Variants in ITPR1 observed in about 807,000 individuals in gnomAD.
ITPR1 encodes the protein inositol 1,4,5-trisphosphate-gated calcium channel ITPR1.
ITPR1 carries 96 observed loss-of-function variants against 318.4 expected under a neutral mutation model. The observed-to-expected ratio is 0.30, with a 90% CI of 0.26 to 0.36. The LOEUF (loss-of-function observed/expected upper bound fraction) is 0.36. Among genes scored for constraint, ITPR1 ranks in the 10% least tolerant of loss-of-function variants. The pLI is 1.00. For synonymous variants in ITPR1, 1,312 were observed against 1,289.9 expected (o/e 1.02, Z -0.37); for missense variants, 2,440 against 3,460.2 (o/e 0.71, Z 7.40).
At chr3:4,576,961 A>C (rs1297284805) in intron 4 of ITPR1, among the ~76,000 whole-genome samples, 1 of 152,244 alleles carries the variant, frequency 6.6e-6, no homozygotes, top group Admixed American at 6.5e-5. Flanking sequence ...CTAAACACCC[A>C]GTCCTGGGCT....
chr3:4,520,137 C>A (rs2082450733), intron 3 of ITPR1, among the ~76,000 whole-genome samples: 2 of 152,192 alleles, frequency 1.3e-5, no homozygotes, highest in South Asian at 4.1e-4. Flanking sequence ...CTGGGAACAA[C>A]TGCAAGTTCT....
At chr3:4,724,368 AG>A (rs964815170) in intron 40 of ITPR1, 6 of 152,240 alleles carry the variant, frequency 3.9e-5, no homozygotes, top group African/African-American at 1.4e-4. Flanking sequence ...AACTATCAAA[AG>A]GGTAATGTTG....
chr3:4,692,076 C>A (rs6786560), intron 32 of ITPR1, among the ~76,000 whole-genome samples: 18,311 of 151,210 alleles, frequency 0.12, 1,422 homozygotes, highest in Middle Eastern at 0.21. Flanking sequence ...AGGATTTTGA[C>A]CTTGCAGTGA....
intron 60 of ITPR1, among the ~76,000 whole-genome samples, chr3:4,830,373 G>C (rs1295128912): frequency 1.3e-5 from 2 of 152,000 alleles, no homozygotes; most frequent in African/African-American, 2.4e-5. Context: ...TGTTTTTGGA[G>C]GGTTTAGGTT....
chr3:4,573,872 C>A lies in ITPR1; in HGVS notation c.163+52778C>A, dbSNP rs544344952. On this transcript the variant is annotated intron_variant, in intron 4 of 61. Transcript: ENST00000649015. ...TCGTAGTGTATTTATTTGTGACTTT[C>A]TTATGGCTGTTTTCCCCAAGAGAAT... 7.2e-5 allele frequency among the ~76,000 whole-genome samples: 11 copies of A among 152,330 alleles called. No individual in the cohort carries two copies. In the South Asian group the frequency reaches 2.3e-3, roughly 32 times the overall value.
intron 4 of ITPR1, among the ~76,000 whole-genome samples, chr3:4,550,394 G>A (rs1029111539): frequency 4.6e-5 from 7 of 152,160 alleles, no homozygotes; most frequent in Non-Finnish European, 8.8e-5. Context: ...TCTACCTAAC[G>A]GGGTCGTGAC....
intron 4 of ITPR1, among the ~76,000 whole-genome samples, chr3:4,544,908 C>A (rs1479862154): frequency 2.0e-5 from 3 of 152,220 alleles, no homozygotes; most frequent in Non-Finnish European, 4.4e-5. Flanking sequence ...AATCCTTCCA[C>A]TTCAGCCCCC....
chr3:4,614,319 T>A (rs1035396449), intron 4 of ITPR1, among the ~76,000 whole-genome samples: 10 of 152,202 alleles, frequency 6.6e-5, no homozygotes, highest in African/African-American at 1.9e-4. Flanking sequence ...TAACAGTAGC[T>A]TGTTTTTCAT....
intron 4 of ITPR1, among the ~76,000 whole-genome samples, chr3:4,602,569 A>G (rs924103042): frequency 2.0e-5 from 3 of 151,798 alleles, no homozygotes; most frequent in Non-Finnish European, 4.4e-5. Flanking sequence ...AAACATTTAT[A>G]GCAACATTAT....
intron 2 of ITPR1, among the ~76,000 whole-genome samples, chr3:4,512,165 T>G (rs1488465): frequency 0.22 from 32,949 of 152,036 alleles, 4,053 homozygotes; most frequent in Admixed American, 0.31. Context: ...TTATTTTTTG[T>G]AGAAATGGGG....
intron 52 of ITPR1, among the ~76,000 whole-genome samples, chr3:4,790,999 C>G (rs1047658346): frequency 2.0e-5 from 3 of 152,184 alleles, no homozygotes; most frequent in African/African-American, 7.2e-5. Context: ...GAAATCGAGG[C>G]AGAGTTGAAT....
intron 46 of ITPR1, 64 bp downstream of exon 46, chr3:4,768,828 C>G: frequency 6.6e-7 from 1 of 1,518,818 alleles, no homozygotes; most frequent in Non-Finnish European, 9.0e-7. Context: ...CTGCCTTCCT[C>G]TGATGGTTCA....
At chr3:4,655,121 T>C (rs569250759) in intron 12 of ITPR1, among the ~76,000 whole-genome samples, 5 of 152,344 alleles carry the variant, frequency 3.3e-5, no homozygotes, top group African/African-American at 7.2e-5. Flanking sequence ...TGTTATTGTT[T>C]GAACACTTGG....
chr3:4,696,456 T>C (rs1279939923), intron 33 of ITPR1, among the ~76,000 whole-genome samples: 1 of 152,224 alleles, frequency 6.6e-6, no homozygotes, highest in Non-Finnish European at 1.5e-5. Flanking sequence ...TCCTTTATGT[T>C]GCTGAGTAAT....
At chr3:4,812,257 C>T (rs2048985823) in intron 56 of ITPR1, among the ~76,000 whole-genome samples, 1 of 152,040 alleles carries the variant, frequency 6.6e-6, no homozygotes, top group African/African-American at 2.4e-5. Flanking sequence ...AGGCTGGTCT[C>T]GAACTCCTGG....
intron 4 of ITPR1, among the ~76,000 whole-genome samples, chr3:4,541,632 C>CT (rs34489800): frequency 0.019 from 2,810 of 145,822 alleles, 82 homozygotes; most frequent in African/African-American, 0.061. Context: ...TCAAATACCA[C>CT]TTTTTTTTTT....
intron 2 of ITPR1, among the ~76,000 whole-genome samples, chr3:4,512,474 C>T (rs140306590): frequency 2.6e-5 from 4 of 152,044 alleles, no homozygotes; most frequent in Non-Finnish European, 2.9e-5. Context: ...GAGTGTAATT[C>T]GCTATTGTTC....
At chr3:4,615,211 A>G (rs989030024) in intron 4 of ITPR1, among the ~76,000 whole-genome samples, 2 of 152,064 alleles carry the variant, frequency 1.3e-5, no homozygotes, top group African/African-American at 4.8e-5. Flanking sequence ...ATAAGCCCTG[A>G]GTCTTCTGCA....
intron 46 of ITPR1, among the ~76,000 whole-genome samples, chr3:4,770,651 G>A (rs980898388): frequency 2.6e-5 from 4 of 152,176 alleles, no homozygotes; most frequent in African/African-American, 9.7e-5. Context: ...GTCGCCATCT[G>A]AGTGTGGGAT....
Sources: allele counts gnomAD v4.1 joint callset (sites outside exome capture counted in the v4.1 genomes callset), GRCh38; gene constraint gnomAD v4.1.1; transcripts MANE v1.5; gene names NCBI Gene and HGNC (gene_info 2026-07-23, HGNC 2026-07-21).